ABCB5: variants seen among roughly 807,000 people sequenced by gnomAD.
ABCB5 encodes ATP binding cassette subfamily B member 5, also known as ATP-binding cassette sub-family B member 5.
Under a neutral mutation model 144.2 loss-of-function variants are expected in ABCB5, and 155 were observed. That is an observed-to-expected ratio of 1.08 (90% CI 0.94 to 1.23). The LOEUF is 1.23. Ranked by LOEUF, ABCB5 falls within the 50% of genes most tolerant of loss-of-function variation. The pLI, the probability that ABCB5 is intolerant of heterozygous loss-of-function variation, is 0.00. For synonymous variants in ABCB5, 610 were observed against 528.6 expected (o/e 1.15, Z -2.11); for missense variants, 1,830 against 1,520.8 (o/e 1.20, Z -3.38).
intron 23 of ABCB5, among the ~76,000 whole-genome samples, chr7:20,735,455 T>C (rs1782352946): frequency 6.6e-6 from 1 of 152,186 alleles, no homozygotes; most frequent in South Asian, 2.1e-4. Context: ...CTGTGAGTGT[T>C]ATTGCTGTGT....
intron 20 of ABCB5, among the ~76,000 whole-genome samples, chr7:20,708,691 A>T (rs1410001292): frequency 4.6e-5 from 7 of 152,172 alleles, no homozygotes; most frequent in Non-Finnish European, 8.8e-5. Context: ...CTGGTCCAAT[A>T]ATGCATGATA....
chr7:20,635,739 G>A (rs1196930808), intron 5 of ABCB5, among the ~76,000 whole-genome samples: 1 of 151,970 alleles, frequency 6.6e-6, no homozygotes, highest in East Asian at 1.9e-4. Context: ...ACAGATTTTT[G>A]CACATTGATT....
intron 23 of ABCB5, among the ~76,000 whole-genome samples, chr7:20,729,118 A>G (rs1321555316): frequency 6.6e-6 from 1 of 152,226 alleles, no homozygotes; most frequent in African/African-American, 2.4e-5. Context: ...ATATGTTAAC[A>G]CTGTGAAATG....
chr7:20,723,206 A>G lies in ABCB5; in HGVS notation c.2612A>G (p.Lys871Arg). Residue 871 changes from lysine (K) to arginine (R), a missense_variant, in exon 21 of 28, where the codon AAG (lysine) becomes AGG (arginine). Physicochemically the swap from Lys to Arg is conservative, Grantham distance 26. Coordinates refer to ENST00000404938, the MANE Select transcript of ABCB5 (RefSeq NM_001163941.2). ...GFANKDKQEL[K>R]HAGKIATEAL... ...GCCAACAAAGATAAGCAAGAACTTA[A>G]GCATGCTGGAAAGGTAAAATGAAGA... The G allele has an allele frequency of 6.2e-7, 1 of 1,614,162 alleles. No individual in the cohort carries two copies.
intron 25 of ABCB5, among the ~76,000 whole-genome samples, chr7:20,744,684 G>A (rs905126159): frequency 6.6e-6 from 1 of 151,864 alleles, no homozygotes; most frequent in East Asian, 1.9e-4. Context: ...AATGGGTGCA[G>A]CACACCAACA....
intron 16 of ABCB5, among the ~76,000 whole-genome samples, chr7:20,696,678 A>G (rs1459835238): frequency 6.6e-6 from 1 of 152,074 alleles, no homozygotes; most frequent in Non-Finnish European, 1.5e-5. Flanking sequence ...TACTCGTCAT[A>G]TCTCTTTATG....
Position 20,632,009 on chromosome 7 carries a change from G to T in ABCB5, c.260-50G>T. 3 of 1,269,072 alleles carry T rather than the reference G, an allele frequency of 2.4e-6. No individual in the cohort carries two copies. The South Asian group carries it at 4.5e-5, about 19-fold the overall frequency. The allele number at this position is 1,269,072 out of a possible 1,614,324, so 78.6% of individuals were successfully genotyped here. A position where few individuals can be genotyped will look rare whatever the true frequency, so the allele number is the denominator to read the frequency against. ...TGGAGGGCTATCTGTGTAACAGTGT[G>T]ACCAATTATAAATTAATTTCCTCTA... On this transcript the variant is annotated intron_variant, in intron 4 of 27. Transcript: ENST00000404938.
rs142733002 is a variant in ABCB5, at chr7:20,647,994, A to T, written c.1122A>T (p.Thr374=). ...AACCCAGTATAGATAACTTTTCCAC[A>T]GCTGGATATAAACCTGAATCCATAG... is the stretch of plus-strand genomic sequence containing the variant. ...DKKPSIDNFS[T]AGYKPESIEG... The change falls in exon 11 of 28, where the codon ACA becomes ACT. Residue 374 remains threonine, a synonymous_variant. Transcript: ENST00000404938. 5.6e-6 allele frequency: 9 copies of T among 1,610,642 alleles called. No homozygotes were observed. In the African/African-American group the frequency reaches 9.3e-5, roughly 17 times the overall value.
intron 15 of ABCB5, 29 bp from the exon 16 acceptor site, chr7:20,685,664 TATA>T (rs1785968204): frequency 6.5e-7 from 1 of 1,547,660 alleles, no homozygotes; most frequent in East Asian, 2.3e-5. Context: ...AAGGCATTCT[TATA>T]ATGATAACCT....
chr7:20,688,435 G>A (rs923723870), intron 16 of ABCB5, among the ~76,000 whole-genome samples: 2 of 152,190 alleles, frequency 1.3e-5, no homozygotes, highest in Admixed American at 1.3e-4. Flanking sequence ...TCTCACACCA[G>A]TTAGAATGGC....
intron 4 of ABCB5, among the ~76,000 whole-genome samples, chr7:20,629,319 C>T (rs773144113): frequency 1.3e-5 from 2 of 152,072 alleles, no homozygotes; most frequent in Admixed American, 1.3e-4. Flanking sequence ...CATTTGCTGA[C>T]GTTACGTAGG....
At chr7:20,640,589 T>G (rs531324469) in intron 5 of ABCB5, among the ~76,000 whole-genome samples, 1 of 152,168 alleles carries the variant, frequency 6.6e-6, no homozygotes, top group Non-Finnish European at 1.5e-5. Flanking sequence ...TGAGAAAAAC[T>G]TGGCACTAAA....
At chr7:20,731,407 C>T (rs1295280190) in intron 23 of ABCB5, among the ~76,000 whole-genome samples, 1 of 149,324 alleles carries the variant, frequency 6.7e-6, no homozygotes, top group African/African-American at 2.5e-5. Context: ...TTACTGGATC[C>T]TGTTTTTCAG....
intron 16 of ABCB5, among the ~76,000 whole-genome samples, chr7:20,691,254 G>C (rs1260951325): frequency 7.9e-6 from 1 of 126,514 alleles, no homozygotes; most frequent in African/African-American, 3.0e-5. Flanking sequence ...GCGCAGTCTC[G>C]GCTCACCGCA....
intron 1 of ABCB5, among the ~76,000 whole-genome samples, chr7:20,622,631 A>G (rs1369074999): frequency 6.6e-6 from 1 of 152,134 alleles, no homozygotes; most frequent in African/African-American, 2.4e-5. Context: ...ATAGATCCAT[A>G]ATAAAATGAT....
chr7:20,669,232 G>A (rs1338077268), intron 14 of ABCB5, among the ~76,000 whole-genome samples: 1 of 144,178 alleles, frequency 6.9e-6, no homozygotes, highest in East Asian at 2.3e-4. Context: ...GGTGTGCCCA[G>A]CGGCTCATTG....
At chr7:20,617,611 C>A (rs1054797214) in intron 1 of ABCB5, among the ~76,000 whole-genome samples, 1 of 152,170 alleles carries the variant, frequency 6.6e-6, no homozygotes, top group Admixed American at 6.5e-5. Context: ...ACCACTTCGA[C>A]AATCTTGTTA....
At chr7:20,704,487 A>G (rs1786751003) in intron 19 of ABCB5, among the ~76,000 whole-genome samples, 1 of 152,168 alleles carries the variant, frequency 6.6e-6, no homozygotes, top group Non-Finnish European at 1.5e-5. Flanking sequence ...TTATTATACT[A>G]TATGTGGTGA....
rs181663095 is a variant in ABCB5, at chr7:20,667,014, A to T, written c.1707+8338A>T. On this transcript the variant is annotated intron_variant, in intron 14 of 27. Transcript: ENST00000404938. ...TCACTATGAGGAGTATATCGGTTTT[A>T]GGTCACATGAATGATCTAGTAGAGA... The T allele has an allele frequency of 1.2e-5, 8 of 660,144 alleles. No homozygotes were observed. In the East Asian group the frequency reaches 2.3e-4, roughly 19 times the overall value. 40.9% of individuals were successfully genotyped at this position (660,144 alleles called of 1,614,324 possible).
Sources: gnomAD v4.1 joint callset for allele counts (sites outside exome capture counted in the v4.1 genomes callset) on GRCh38, gnomAD v4.1.1 for gene constraint, MANE v1.5 for transcripts, NCBI Gene and HGNC (gene_info 2026-07-23, HGNC 2026-07-21) for gene names.